Variants in PDLIM5 observed in about 807,000 individuals in gnomAD.
PDLIM5 encodes the protein PDZ and LIM domain 5.
Under a neutral mutation model 64.2 loss-of-function variants are expected in PDLIM5, and 34 were observed. The ratio of observed to expected loss-of-function variants is 0.53; its 90% CI spans 0.40 to 0.71. The LOEUF (loss-of-function observed/expected upper bound fraction) is 0.71, where lower values mean the gene tolerates loss of function less well. PDLIM5 is among the 30% of genes least tolerant of loss of function. PDLIM5 has a pLI of 0.00. For synonymous variants in PDLIM5, 253 were observed against 269.1 expected (o/e 0.94, Z 0.59); for missense variants, 683 against 733.6 (o/e 0.93, Z 0.80).
At chr4:94,631,881 A>G (rs1373394540) in intron 8 of PDLIM5, among the ~76,000 whole-genome samples, 1 of 152,166 alleles carries the variant, frequency 6.6e-6, no homozygotes, top group Non-Finnish European at 1.5e-5. Flanking sequence ...TTTCCCTGAA[A>G]CAGTCTCATT....
chr4:94,584,995 A>T (rs776035554), intron 5 of PDLIM5: 1 of 1,524,472 alleles, frequency 6.6e-7, no homozygotes, highest in Non-Finnish European at 9.1e-7. Flanking sequence ...GGAAAATCCC[A>T]CCTAAACGGT....
chr4:94,470,659 A>T (rs1055681928), intron 2 of PDLIM5, among the ~76,000 whole-genome samples: 1 of 152,178 alleles, frequency 6.6e-6, no homozygotes, highest in African/African-American at 2.4e-5. Context: ...ACTTGATTAG[A>T]GTTAATGTCT....
At chr4:94,607,520 T>C (rs559580568) in intron 7 of PDLIM5, among the ~76,000 whole-genome samples, 2 of 152,328 alleles carry the variant, frequency 1.3e-5, no homozygotes, top group Admixed American at 6.5e-5. Flanking sequence ...TAAAATAGTT[T>C]GTTTACATCA....
chr4:94,472,164 G>GCA (rs375059897), intron 2 of PDLIM5, among the ~76,000 whole-genome samples: 10 of 150,662 alleles, frequency 6.6e-5, no homozygotes, highest in Non-Finnish European at 1.0e-4. Context: ...ACACACACGC[G>GCA]CACACACACA....
intron 3 of PDLIM5, among the ~76,000 whole-genome samples, chr4:94,554,624 G>A (rs900047135): frequency 6.6e-6 from 1 of 152,162 alleles, no homozygotes; most frequent in Non-Finnish European, 1.5e-5. Flanking sequence ...ATACAATCAC[G>A]TAATTATAAT....
intron 3 of PDLIM5, among the ~76,000 whole-genome samples, chr4:94,561,570 C>T (rs1315886916): frequency 6.6e-6 from 1 of 152,054 alleles, no homozygotes; most frequent in Non-Finnish European, 1.5e-5. Context: ...TGGTTGTTAT[C>T]CTTTGCAAGG....
At chr4:94,452,932 T>C (rs1722995769) in intron 1 of PDLIM5, among the ~76,000 whole-genome samples, 2 of 152,236 alleles carry the variant, frequency 1.3e-5, no homozygotes, top group African/African-American at 4.8e-5. Context: ...GTTCTTCAGC[T>C]CTACCTACAT....
chr4:94,550,726 TGAG>T (rs972595849), intron 3 of PDLIM5, among the ~76,000 whole-genome samples: 3 of 152,150 alleles, frequency 2.0e-5, no homozygotes, highest in Non-Finnish European at 4.4e-5. Flanking sequence ...TATCCATACT[TGAG>T]GAGCAAAAGG....
intron 2 of PDLIM5, among the ~76,000 whole-genome samples, chr4:94,487,554 A>C (rs1225538915): frequency 6.6e-6 from 1 of 152,190 alleles, no homozygotes; most frequent in Non-Finnish European, 1.5e-5. Flanking sequence ...GGTGAAAGGC[A>C]TTGAGAAAAA....
intron 2 of PDLIM5, among the ~76,000 whole-genome samples, chr4:94,495,123 A>G (rs1422476364): frequency 6.6e-6 from 1 of 152,112 alleles, no homozygotes; most frequent in Non-Finnish European, 1.5e-5. Context: ...TCTCCTTAAC[A>G]CTAACTTTAT....
At chr4:94,575,120 G>T (rs1222392909) in intron 4 of PDLIM5, among the ~76,000 whole-genome samples, 2 of 150,980 alleles carry the variant, frequency 1.3e-5, no homozygotes, top group Non-Finnish European at 2.9e-5. Context: ...GAAATGTGCT[G>T]CTCCTTCTGC....
intron 1 of PDLIM5, among the ~76,000 whole-genome samples, chr4:94,453,502 T>C (rs1723049101): frequency 6.6e-6 from 1 of 152,132 alleles, no homozygotes; most frequent in Non-Finnish European, 1.5e-5. Flanking sequence ...AGTACATGGG[T>C]TGATAATCTA....
At chr4:94,546,078 G>GT (rs1732286626) in intron 3 of PDLIM5, among the ~76,000 whole-genome samples, 1 of 152,034 alleles carries the variant, frequency 6.6e-6, no homozygotes, top group African/African-American at 2.4e-5. Flanking sequence ...ATAAATATTT[G>GT]TTTTCCACTT....
At chr4:94,621,063 T>A in intron 8 of PDLIM5, among the ~76,000 whole-genome samples, 1 of 91,144 alleles carries the variant, frequency 1.1e-5, no homozygotes, top group African/African-American at 4.4e-5. Context: ...AGAGTGAGAC[T>A]CTGTCTCAAA....
intron 2 of PDLIM5, among the ~76,000 whole-genome samples, chr4:94,464,253 A>G (rs1724149859): frequency 1.3e-5 from 2 of 152,212 alleles, no homozygotes; most frequent in African/African-American, 4.8e-5. Flanking sequence ...ACTGTACTTC[A>G]TGATAATTGT....
chr4:94,459,890 A>G (rs946199555), intron 2 of PDLIM5, among the ~76,000 whole-genome samples: 3 of 152,204 alleles, frequency 2.0e-5, no homozygotes, highest in Admixed American at 6.5e-5. Flanking sequence ...CTTGACTCCA[A>G]GTAAAGCTGT....
intron 3 of PDLIM5, among the ~76,000 whole-genome samples, chr4:94,544,308 A>T: frequency 6.6e-6 from 1 of 152,116 alleles, no homozygotes; most frequent in Non-Finnish European, 1.5e-5. Flanking sequence ...AATAGGTTAC[A>T]TTCATATGGT....
chr4:94,536,501 C>G (rs1040528058), intron 3 of PDLIM5, among the ~76,000 whole-genome samples: 2 of 152,120 alleles, frequency 1.3e-5, no homozygotes, highest in African/African-American at 2.4e-5. Context: ...CAGAGTCATA[C>G]CCAACCCTTC....
chr4:94,494,432 G>GTTTTTTTTTTTTTTTTTTT (rs61675663), intron 2 of PDLIM5, among the ~76,000 whole-genome samples: 12 of 70,768 alleles, frequency 1.7e-4, no homozygotes, highest in South Asian at 9.2e-4. Flanking sequence ...TTTTTTTCTT[G>GTTTTTTTTTTTTTTTTTTT]TTTTTTTTTT....
Sources: allele counts gnomAD v4.1 joint callset (sites outside exome capture counted in the v4.1 genomes callset), GRCh38; gene constraint gnomAD v4.1.1; transcripts MANE v1.5; gene names NCBI Gene and HGNC (gene_info 2026-07-23, HGNC 2026-07-21).